PRELID2: variants seen among roughly 807,000 people sequenced by gnomAD.
PRELID2 encodes PRELI domain containing 2.
Under a neutral mutation model 28.4 loss-of-function variants are expected in PRELID2, and 25 were observed. The observed-to-expected ratio is 0.88, with a 90% CI of 0.64 to 1.23. PRELID2 has a LOEUF of 1.23. PRELID2 is among the 50% of genes most tolerant of loss of function. PRELID2 has a pLI of 0.00. For missense variants in PRELID2, 201 were observed against 214.4 expected (o/e 0.94, Z 0.39); for synonymous variants, 76 against 71.6 (o/e 1.06, Z -0.31).
chr5:145,331,462 G>A, the PRELID2 span, among the ~76,000 whole-genome samples: 1 of 152,034 alleles, frequency 6.6e-6, no homozygotes, highest in Non-Finnish European at 1.5e-5. Flanking sequence ...TCCTGTATTG[G>A]GTGCATATAT....
chr5:145,686,477 C>T (rs549571007), intron 1 of PRELID2, among the ~76,000 whole-genome samples: 2 of 152,204 alleles, frequency 1.3e-5, no homozygotes, highest in East Asian at 3.9e-4. Context: ...AGGGTCTTTC[C>T]CCAGCCCCAC....
intron 1 of PRELID2, among the ~76,000 whole-genome samples, chr5:145,691,041 T>C (rs769295097): frequency 6.6e-6 from 1 of 152,202 alleles, no homozygotes; most frequent in African/African-American, 2.4e-5. Flanking sequence ...ATGCACTGCA[T>C]GTGATGGTGT....
the PRELID2 span, among the ~76,000 whole-genome samples, chr5:145,453,769 C>T: frequency 6.6e-6 from 1 of 152,162 alleles, no homozygotes; most frequent in Non-Finnish European, 1.5e-5. Flanking sequence ...CCAGCTTCAT[C>T]CATGCCCCTG....
chr5:145,582,590 G>C (rs1175738782), intron 1 of PRELID2, among the ~76,000 whole-genome samples: 3 of 151,884 alleles, frequency 2.0e-5, no homozygotes, highest in African/African-American at 7.3e-5. Context: ...ATAAAATGGT[G>C]ATACAATCAG....
chr5:145,806,266 T>G (rs1422379620), intron 4 of PRELID2, among the ~76,000 whole-genome samples: 2 of 152,192 alleles, frequency 1.3e-5, no homozygotes, highest in Non-Finnish European at 2.9e-5. Context: ...ACAAAAATAT[T>G]GTCTTTTAAA....
At chr5:145,394,971 T>C in the PRELID2 span, among the ~76,000 whole-genome samples, 1 of 152,114 alleles carries the variant, frequency 6.6e-6, no homozygotes, top group African/African-American at 2.4e-5. Context: ...TTTTGGGTTT[T>C]CTCATCTTAA....
At chr5:145,594,439 T>C (rs1341157959) in intron 1 of PRELID2, among the ~76,000 whole-genome samples, 2 of 152,210 alleles carry the variant, frequency 1.3e-5, no homozygotes, top group African/African-American at 2.4e-5. Context: ...TTACATCTTA[T>C]TGTTTTTCTG....
chr5:145,624,971 CATA>C (rs1753823366), intron 1 of PRELID2, among the ~76,000 whole-genome samples: 1 of 152,068 alleles, frequency 6.6e-6, no homozygotes, highest in East Asian at 1.9e-4. Context: ...GTCCCATAAT[CATA>C]AGACAACAAT....
intron 1 of PRELID2, among the ~76,000 whole-genome samples, chr5:145,627,128 AAAAAAAAAAAAAAAAAAATT>A (rs1753859375): frequency 8.7e-6 from 1 of 114,396 alleles, no homozygotes; most frequent in African/African-American, 3.6e-5. Context: ...AAAAAAAAAA[AAAAAAAAAAAAAAAAAAATT>A]TGTGTATATA....
chr5:145,533,314 A>G (rs141770654), intron 1 of PRELID2, among the ~76,000 whole-genome samples: 1 of 152,120 alleles, frequency 6.6e-6, no homozygotes, highest in Admixed American at 6.6e-5. Flanking sequence ...GCACCAAAAC[A>G]GTATAGACAG....
chr5:145,608,329 TATA>T (rs1753539455), intron 1 of PRELID2, among the ~76,000 whole-genome samples: 1 of 152,184 alleles, frequency 6.6e-6, no homozygotes, highest in African/African-American at 2.4e-5. Context: ...GTGGTTGCTT[TATA>T]ATGTCAGTGG....
the PRELID2 span, chr5:145,338,243 G>A: frequency 1.3e-5 from 2 of 152,136 alleles, no homozygotes; most frequent in Non-Finnish European, 2.9e-5. Flanking sequence ...TAGTATCCTT[G>A]TTTCAGGCAC....
At chr5:145,553,926 A>G (rs1231660619) in intron 1 of PRELID2, among the ~76,000 whole-genome samples, 2 of 152,200 alleles carry the variant, frequency 1.3e-5, no homozygotes, top group Non-Finnish European at 2.9e-5. Context: ...GAAGTGACAG[A>G]AATTCAAAAG....
At chr5:145,754,758 C>G (rs1757212773), downstream of PRELID2, among the ~76,000 whole-genome samples, 1 of 152,142 alleles carries the variant, frequency 6.6e-6, no homozygotes, top group Non-Finnish European at 1.5e-5. Context: ...AAATGCATAG[C>G]TCATTTTAAG....
At chr5:145,773,858 C>A (rs1758251938) in intron 5 of PRELID2, among the ~76,000 whole-genome samples, 1 of 152,230 alleles carries the variant, frequency 6.6e-6, no homozygotes, top group African/African-American at 2.4e-5. Context: ...TTGTCTTTAA[C>A]AGAATAAATG....
chr5:145,776,458 AATG>A (rs1467756011), intron 5 of PRELID2, among the ~76,000 whole-genome samples: 3 of 63,552 alleles, frequency 4.7e-5, no homozygotes, highest in African/African-American at 1.0e-4. Context: ...AAAGTTCTCA[AATG>A]AAGAAAGAAA....
At chr5:145,449,421 C>G in the PRELID2 span, among the ~76,000 whole-genome samples, 9 of 152,224 alleles carry the variant, frequency 5.9e-5, no homozygotes, top group Non-Finnish European at 1.3e-4. Context: ...CCAACTGTCC[C>G]CAGTTGAACT....
intron 1 of PRELID2, among the ~76,000 whole-genome samples, chr5:145,736,766 G>A (rs139215461): frequency 2.6e-5 from 4 of 152,286 alleles, no homozygotes; most frequent in African/African-American, 9.6e-5. Flanking sequence ...AGCTTCATGG[G>A]AAAACAGACT....
At chr5:145,436,916 A>G in the PRELID2 span, 2 of 152,150 alleles carry the variant, frequency 1.3e-5, no homozygotes, top group African/African-American at 4.8e-5. Flanking sequence ...GGCTGAATCA[A>G]GGTCTCCCGT....
Sources: gnomAD v4.1 joint callset for allele counts (sites outside exome capture counted in the v4.1 genomes callset) on GRCh38, gnomAD v4.1.1 for gene constraint, MANE v1.5 for transcripts, NCBI Gene and HGNC (gene_info 2026-07-23, HGNC 2026-07-21) for gene names.